ASCL2: variants seen among roughly 807,000 people sequenced by gnomAD.
ASCL2 encodes the protein achaete-scute homolog 2.
ASCL2 carries 6 observed loss-of-function variants against 5.1 expected under a neutral mutation model. That is an observed-to-expected ratio of 1.17 (90% CI 0.64 to 2.31). The LOEUF is 2.31. Among genes scored for constraint, ASCL2 ranks in the 30% most tolerant of loss-of-function variants. The pLI, the probability that ASCL2 is intolerant of heterozygous loss-of-function variation, is 0.00. For missense variants in ASCL2, 320 were observed against 310.3 expected (o/e 1.03, Z -0.23); for synonymous variants, 174 against 157.3 (o/e 1.11, Z -0.80).
chr11:2,269,558 C>G (rs554692373), intron 1 of ASCL2, among the ~76,000 whole-genome samples, 175 bp downstream of exon 1: 1 of 152,288 alleles, frequency 6.6e-6, no homozygotes, highest in East Asian at 1.9e-4. Context: ...AAACGCCGGT[C>G]TTGCACGGGC....
intron 1 of ASCL2, 52 bp downstream of exon 1, chr11:2,269,677 CCCGT>C: frequency 7.5e-5 from 83 of 1,101,856 alleles, no homozygotes; most frequent in Non-Finnish European, 9.1e-5. Flanking sequence ...GCCTGCCCAC[CCCGT>C]CCCTCCACCC....
In ASCL2 at chr11:2,270,194, C is replaced by T. The variant is rs1210822350; in HGVS notation, c.139G>A (p.Gly47Ser). The change falls in exon 1 of 2, where the codon GGC becomes AGC. Residue 47 changes from glycine (G) to serine (S), a missense_variant. Coordinates refer to ENST00000331289, the MANE Select transcript of ASCL2 (RefSeq NM_005170.3). The stretch of plus-strand genomic sequence containing the variant: ...CGCCGCGCTACGGCCGCTGCGCCGC[C>T]TCCGGTCTCTGCGGTGGCCGGTCGC... ...RRRPATAETG[G>S]GAAAVARRNE... is the part of the protein sequence containing the mutation. The T allele has an allele frequency of 6.7e-7, 1 of 1,491,538 alleles. No individual in the cohort carries two copies. Among genetic ancestry groups the T allele is most frequent in the Admixed American group, 2.3e-5 (1 of 43,848 alleles). The allele number at this position is 1,491,538 out of a possible 1,614,324, so 92.4% of individuals were successfully genotyped here.
In ASCL2 at chr11:2,269,880, G is replaced by A; in HGVS notation, c.453C>T (p.Gly151=). The change falls in exon 1 of 2, where the codon GGC becomes GGT. Residue 151 remains glycine (G), a synonymous_variant. Transcript: ENST00000331289. ...AGCCGGGCTCCGAGCTGCCCCCGCG[G>A]CCCGGGGACGAAGAAGCGCGGGAGG... ...ASPSRASSSP[G]RGGSSEPGSP... The A allele has an allele frequency of 7.5e-7, 1 of 1,327,170 alleles. No individual in the cohort carries two copies. The highest frequency in any genetic ancestry group is 9.7e-7 in the Non-Finnish European group (1 of 1,033,026). 82.2% of individuals were successfully genotyped at this position (1,327,170 alleles called of 1,614,324 possible). A position where few individuals can be genotyped will look rare whatever the true frequency, so the allele number is the denominator to read the frequency against.
At chr11:2,269,688 A>AC in intron 1 of ASCL2, 45 bp downstream of exon 1, 1 of 398,422 alleles carries the variant, frequency 2.5e-6, no homozygotes, top group Non-Finnish European at 3.7e-6. Context: ...CCGTCCCTCC[A>AC]CCCCGGCCCC....
In ASCL2 at chr11:2,270,298, G is replaced by C. The variant is rs1427564002; in HGVS notation, c.35C>G (p.Pro12Arg). Residue 12 changes from proline to arginine, a missense_variant, in exon 1 of 2, where the codon CCT becomes CGT. Transcript: ENST00000331289. ...DGGTLPRSAPPAPPVPVGCAA... is the reference protein window; with the variant it reads ...DGGTLPRSAPRAPPVPVGCAA... Reference sequence around the variant, plus strand: ...GCAGCCGACAGGGACGGGGGGCGCAGGGGGCGCGGACCTGGGCAGTGTGCC... The same window carrying C: ...GCAGCCGACAGGGACGGGGGGCGCACGGGGCGCGGACCTGGGCAGTGTGCC... 1 of 1,336,942 alleles carries C rather than the reference G, an allele frequency of 7.5e-7. No individual in the cohort carries two copies. The highest frequency in any genetic ancestry group is 9.5e-7 in the Non-Finnish European group (1 of 1,051,524). 82.8% of individuals were successfully genotyped at this position (1,336,942 alleles called of 1,614,324 possible).
At chr11:2,269,560 T>G (rs1847223847) in intron 1 of ASCL2, among the ~76,000 whole-genome samples, 173 bp downstream of exon 1, 1 of 152,116 alleles carries the variant, frequency 6.6e-6, no homozygotes. Context: ...ACGCCGGTCT[T>G]GCACGGGCTT....
At position 2,268,956 on chromosome 11, in the gene ASCL2, G is replaced by T. The variant is rs1356042327; in HGVS notation, c.*189C>A. ...CCCTTATGGGGCCAGCTCCAAGCCC[G>T]TTTCCACCGCGGCATTGGTCAGGCT... On this transcript the variant is annotated 3_prime_UTR_variant, in exon 2 of 2. Coordinates refer to ENST00000331289, the MANE Select transcript of ASCL2 (RefSeq NM_005170.3). This position sits in a 1 kb window ranked among gnomAD's most constrained non-coding sequence, Gnocchi z 4.5. 1 of 135,378 alleles carries T rather than the reference G, an allele frequency of 7.4e-6. No homozygotes were observed. Among genetic ancestry groups the T allele is most frequent in the Non-Finnish European group, 1.5e-5 (1 of 65,598 alleles). The allele number at this position is 135,378 out of a possible 1,614,324, so 8.4% of individuals were successfully genotyped here.
chr11:2,269,317 G>T (rs1296747554), intron 1 of ASCL2, among the ~76,000 whole-genome samples, 191 bp from the exon 2 acceptor site: 1 of 151,600 alleles, frequency 6.6e-6, no homozygotes, highest in Non-Finnish European at 1.5e-5. Context: ...CGGGGCGGGC[G>T]CTCGGAGCCG....
At chr11:2,269,674 C>CCCCCCCG in intron 1 of ASCL2, 59 bp downstream of exon 1, 5 of 1,030,150 alleles carry the variant, frequency 4.9e-6, no homozygotes, top group Non-Finnish European at 6.4e-6. Context: ...CGGGCCTGCC[C>CCCCCCCG]ACCCCGTCCC....
chr11:2,268,939 G>A lies in ASCL2; in HGVS notation c.*206C>T, dbSNP rs1564941517. The A allele has an allele frequency of 2.0e-5, 3 of 151,502 alleles. No homozygotes were observed. 9.4% of individuals were successfully genotyped at this position (151,502 alleles called of 1,614,324 possible). Reference sequence around the variant, plus strand: ...TCGGAGGAAGCCGCCAGCCCTTATGGGGCCAGCTCCAAGCCCGTTTCCACC... The same window carrying A: ...TCGGAGGAAGCCGCCAGCCCTTATGAGGCCAGCTCCAAGCCCGTTTCCACC... On this transcript the variant is annotated 3_prime_UTR_variant, in exon 2 of 2. Transcript: ENST00000331289. This position sits in a 1 kb window ranked among gnomAD's most constrained non-coding sequence, Gnocchi z 4.5.
Position 2,270,370 on chromosome 11 carries a change from C to T in ASCL2, c.-38G>A, listed in dbSNP as rs1847236331. On this transcript the variant is annotated 5_prime_UTR_variant, in exon 1 of 2. Transcript: ENST00000331289. ...CACCCGCCCGCTCCAGGTCCCGGCG[C>T]GCCGCAGGAAGGTGCAGGCAGAGGA... 4 of 1,268,646 alleles carry T rather than the reference C, an allele frequency of 3.2e-6. No individual in the cohort carries two copies. The highest frequency in any genetic ancestry group is 4.0e-6 in the Non-Finnish European group (4 of 1,008,566). 78.6% of individuals were successfully genotyped at this position (1,268,646 alleles called of 1,614,324 possible).
Position 2,269,774 on chromosome 11 carries a change from A to G in ASCL2, c.559T>C (p.Ser187Pro). 2.8e-6 allele frequency: 4 copies of G among 1,445,842 alleles called. No individual in the cohort carries two copies. The highest frequency in any genetic ancestry group is 3.7e-6 in the Non-Finnish European group (4 of 1,093,652). 89.6% of individuals were successfully genotyped at this position (1,445,842 alleles called of 1,614,324 possible). ...GCTCAGTAGCCCCCTAACCAGCTGG[A>G]GAAGTCGAGTAGCTCGCGCTCCGCA... Reference protein sequence around the residue: ...SPAERELLDFSSWLGGY With the variant: ...SPAERELLDFPSWLGGY The change falls in exon 1 of 2, where the codon TCC becomes CCC. Residue 187 changes from serine to proline, a missense_variant. Transcript: ENST00000331289.
At chr11:2,269,679 C>CGG in intron 1 of ASCL2, 54 bp downstream of exon 1, 4 of 1,083,596 alleles carry the variant, frequency 3.7e-6, no homozygotes, top group Non-Finnish European at 4.8e-6. Flanking sequence ...CTGCCCACCC[C>CGG]GTCCCTCCAC....
chr11:2,269,247 G>A (rs1479997214), intron 1 of ASCL2, 121 bp from the exon 2 acceptor site: 1 of 152,038 alleles, frequency 6.6e-6, no homozygotes, highest in Non-Finnish European at 1.5e-5. Flanking sequence ...TCGTTTGCTC[G>A]GTTGGTTTTG....
intron 1 of ASCL2, 72 bp downstream of exon 1, chr11:2,269,661 C>G (rs1847225221): frequency 8.0e-7 from 1 of 1,253,344 alleles, no homozygotes; most frequent in Non-Finnish European, 1.0e-6. Flanking sequence ...GGGCGCGACC[C>G]GCCGGGCCTG....
intron 1 of ASCL2, 62 bp downstream of exon 1, chr11:2,269,671 G>GGCCCCCC: frequency 2.9e-6 from 3 of 1,042,568 alleles, no homozygotes; most frequent in Non-Finnish European, 3.8e-6. Context: ...CGCCGGGCCT[G>GGCCCCCC]CCCACCCCGT....
chr11:2,270,084 G>T lies in ASCL2; in HGVS notation c.249C>A (p.Ser83Arg). Residue 83 changes from serine to arginine, a missense_variant, in exon 1 of 2, where the codon AGC becomes AGA. Transcript: ENST00000331289. Reference protein sequence around the residue: ...LRQHVPHGGASKKLSKVETLR... With the variant: ...LRQHVPHGGARKKLSKVETLR... ...GCGTCTCCACCTTGCTCAGCTTCTT[G>T]CTGGCGCCGCCGTGCGGCACGTGCT... is the stretch of plus-strand genomic sequence containing the variant. The T allele has an allele frequency of 6.7e-7, 1 of 1,497,504 alleles. No individual in the cohort carries two copies. The highest frequency in any genetic ancestry group is 1.3e-5 in the South Asian group (1 of 79,726). 92.8% of individuals were successfully genotyped at this position (1,497,504 alleles called of 1,614,324 possible). A position where few individuals can be genotyped will look rare whatever the true frequency, so the allele number is the denominator to read the frequency against.
chr11:2,270,400 G>A lies in ASCL2; in HGVS notation c.-68C>T. On this transcript the variant is annotated 5_prime_UTR_variant, in exon 1 of 2. Coordinates refer to ENST00000331289, the MANE Select transcript of ASCL2 (RefSeq NM_005170.3). ...CAGGAAGGTGCAGGCAGAGGAACCG[G>A]AGGCGACGGGGAAAACTGTGGCGCC... is the stretch of plus-strand genomic sequence containing the variant. The A allele has an allele frequency of 8.0e-7, 1 of 1,256,316 alleles. No individual in the cohort carries two copies. The highest frequency in any genetic ancestry group is 3.5e-5 in the South Asian group (1 of 28,890). The allele number at this position is 1,256,316 out of a possible 1,614,324, so 77.8% of individuals were successfully genotyped here. A position where few individuals can be genotyped will look rare whatever the true frequency, so the allele number is the denominator to read the frequency against.
At position 2,270,429 on chromosome 11, in the gene ASCL2, AG is replaced by A; in HGVS notation, c.-98del. 1 of 1,252,568 alleles carries A rather than the reference AG, an allele frequency of 8.0e-7. No homozygotes were observed. The allele number at this position is 1,252,568 out of a possible 1,614,324, so 77.6% of individuals were successfully genotyped here. Reference sequence around the variant, plus strand: ...CGACGGGGAAAACTGTGGCGCCCCAAGGGGGCTTCTGGCACGGCGCCGCCAG... The same window carrying A: ...CGACGGGGAAAACTGTGGCGCCCCAAGGGGCTTCTGGCACGGCGCCGCCAG... On this transcript the variant is annotated 5_prime_UTR_variant, in exon 1 of 2. Transcript: ENST00000331289.
Sources: gnomAD v4.1 joint callset for allele counts (sites outside exome capture counted in the v4.1 genomes callset) on GRCh38, gnomAD v4.1.1 for gene constraint, Gnocchi (gnomAD v3.1) non-coding constraint, MANE v1.5 for transcripts, NCBI Gene and HGNC (gene_info 2026-07-23, HGNC 2026-07-21) for gene names.